Variants in CACNA2D1 observed in about 807,000 individuals in gnomAD.
CACNA2D1 encodes voltage-dependent calcium channel subunit alpha-2/delta-1.
CACNA2D1 carries 53 observed loss-of-function variants against 171.5 expected under a neutral mutation model. The observed-to-expected ratio is 0.31, with a 90% confidence interval of 0.25 to 0.39. The LOEUF is 0.39. CACNA2D1 is among the 10% of genes least tolerant of loss of function. The pLI is 1.00. For synonymous variants in CACNA2D1, 442 were observed against 443.1 expected (o/e 1.00, Z 0.03); for missense variants, 903 against 1,299.8 (o/e 0.69, Z 4.69).
At chr7:82,200,602 A>G (rs1799311431) in intron 3 of CACNA2D1, among the ~76,000 whole-genome samples, 1 of 151,944 alleles carries the variant, frequency 6.6e-6, no homozygotes, top group African/African-American at 2.4e-5. Context: ...TTTTCTGTTC[A>G]TTTATTTCTT....
chr7:82,084,721 A>C lies in CACNA2D1; in HGVS notation c.658+48T>G, dbSNP rs746635983. On this transcript the variant is annotated intron_variant, in intron 7 of 38. Transcript: ENST00000356860. ...GGGAAGATAACAGAGTATTCTCCAG[A>C]AACATTGAGGCTGGAACTTGACAAT... The C allele has an allele frequency of 2.5e-6, 4 of 1,606,930 alleles. No homozygotes were observed. In the East Asian group the frequency reaches 8.9e-5, roughly 36 times the overall value.
chr7:82,327,732 T>C (rs751076224), intron 3 of CACNA2D1, among the ~76,000 whole-genome samples: 1 of 152,178 alleles, frequency 6.6e-6, no homozygotes, highest in Non-Finnish European at 1.5e-5. Context: ...ATTTCAGCAA[T>C]GGCACTAAGA....
At chr7:82,365,467 T>C (rs1213293935) in intron 1 of CACNA2D1, among the ~76,000 whole-genome samples, 1 of 152,216 alleles carries the variant, frequency 6.6e-6, no homozygotes, top group African/African-American at 2.4e-5. Flanking sequence ...TTGTTTACAT[T>C]CAATTTATTC....
At chr7:82,249,460 A>C (rs1270292849) in intron 3 of CACNA2D1, among the ~76,000 whole-genome samples, 1 of 152,206 alleles carries the variant, frequency 6.6e-6, no homozygotes, top group Admixed American at 6.5e-5. Flanking sequence ...GAGGCTGAAA[A>C]GGTGTTCCAG....
chr7:82,408,964 T>G (rs1018481319), intron 1 of CACNA2D1, among the ~76,000 whole-genome samples: 6 of 151,882 alleles, frequency 4.0e-5, no homozygotes, highest in Non-Finnish European at 8.8e-5. Context: ...CACGGTTAAC[T>G]TCATAAATGT....
intron 3 of CACNA2D1, among the ~76,000 whole-genome samples, chr7:82,268,052 AC>A (rs1808138003): frequency 6.6e-6 from 1 of 152,192 alleles, no homozygotes; most frequent in Admixed American, 6.5e-5. Flanking sequence ...TATTTAGGGA[AC>A]AAAAATAAAT....
At chr7:82,403,328 A>AT (rs1225346926) in intron 1 of CACNA2D1, among the ~76,000 whole-genome samples, 3 of 152,144 alleles carry the variant, frequency 2.0e-5, no homozygotes, top group Non-Finnish European at 4.4e-5. Context: ...ATTAGTTAGA[A>AT]TTTTTTTGGT....
chr7:82,180,812 AGCAGGTG>A (rs1435032625), intron 3 of CACNA2D1, among the ~76,000 whole-genome samples: 1 of 151,974 alleles, frequency 6.6e-6, no homozygotes, highest in African/African-American at 2.4e-5. Context: ...GAGCTCAGCT[AGCAGGTG>A]GCAGGTGGGG....
chr7:82,174,707 TA>T (rs1416857413), intron 3 of CACNA2D1, among the ~76,000 whole-genome samples: 8 of 152,068 alleles, frequency 5.3e-5, no homozygotes. Context: ...TAGAAATTAC[TA>T]AAAAATGAAA....
intron 10 of CACNA2D1, among the ~76,000 whole-genome samples, chr7:82,046,970 T>A (rs1387405996): frequency 2.0e-5 from 3 of 152,196 alleles, no homozygotes; most frequent in African/African-American, 7.2e-5. Context: ...GAAAATTTTA[T>A]AATTCTCTAA....
Position 82,390,841 on chromosome 7 carries a change from A to G in CACNA2D1, c.96-41192T>C, listed in dbSNP as rs544150109. Among the ~76,000 whole-genome samples the G allele has an allele frequency of 2.6e-5, 4 of 152,314 alleles. No homozygotes were observed. The East Asian group carries it at 7.7e-4, about 29-fold the overall frequency. ...TATAAAAATGAAAAAAATTTTTTTA[A>G]TCTTTTCAAAGAAATTATATTATTT... On this transcript the variant is annotated intron_variant, in intron 1 of 38. Coordinates refer to ENST00000356860, the MANE Select transcript of CACNA2D1 (RefSeq NM_000722.4).
chr7:82,089,063 G>A (rs1810821009), intron 6 of CACNA2D1, among the ~76,000 whole-genome samples: 1 of 152,154 alleles, frequency 6.6e-6, no homozygotes, highest in Non-Finnish European at 1.5e-5. Flanking sequence ...TAACAGGTCA[G>A]GGACCCAGAC....
At chr7:82,109,394 T>C (rs1414946390) in intron 6 of CACNA2D1, among the ~76,000 whole-genome samples, 1 of 152,058 alleles carries the variant, frequency 6.6e-6, no homozygotes, top group African/African-American at 2.4e-5. Context: ...GTTGGAAGTG[T>C]AGTGGATTTT....
At chr7:81,963,995 A>C (rs923228846) in intron 34 of CACNA2D1, 61 bp downstream of exon 34, 41 of 1,366,556 alleles carry the variant, frequency 3.0e-5, no homozygotes, top group Non-Finnish European at 4.0e-5. Context: ...TTTTCATCAG[A>C]TGCTTTTTTA....
chr7:82,108,278 G>A (rs1787977564), intron 6 of CACNA2D1, among the ~76,000 whole-genome samples: 1 of 152,132 alleles, frequency 6.6e-6, no homozygotes, highest in South Asian at 2.1e-4. Flanking sequence ...GACCTTTTAA[G>A]GGTTAGTGTG....
intron 1 of CACNA2D1, among the ~76,000 whole-genome samples, chr7:82,385,148 C>T (rs1009436672): frequency 3.3e-5 from 5 of 152,264 alleles, no homozygotes; most frequent in Non-Finnish European, 7.4e-5. Context: ...TGGAGGAGCA[C>T]GATTGTATGT....
At chr7:82,272,067 C>A (rs1180100297) in intron 3 of CACNA2D1, among the ~76,000 whole-genome samples, 3 of 151,638 alleles carry the variant, frequency 2.0e-5, no homozygotes, top group Non-Finnish European at 4.4e-5. Flanking sequence ...AAGCAGAAAC[C>A]CAAAATGAGT....
At chr7:82,332,963 CA>C (rs1186450639) in intron 3 of CACNA2D1, among the ~76,000 whole-genome samples, 1 of 152,172 alleles carries the variant, frequency 6.6e-6, no homozygotes, top group Non-Finnish European at 1.5e-5. Flanking sequence ...TGTGCCACTG[CA>C]CTCCAGGCTA....
intron 1 of CACNA2D1, among the ~76,000 whole-genome samples, chr7:82,393,390 A>G (rs1205311328): frequency 1.3e-5 from 2 of 152,184 alleles, no homozygotes; most frequent in Non-Finnish European, 2.9e-5. Flanking sequence ...TGTGCAAGTT[A>G]TGCAACAGCT....
Sources: allele counts gnomAD v4.1 joint callset (sites outside exome capture counted in the v4.1 genomes callset), GRCh38; gene constraint gnomAD v4.1.1; transcripts MANE v1.5; gene names NCBI Gene and HGNC (gene_info 2026-07-23, HGNC 2026-07-21).